MAST2: variants seen among roughly 807,000 people sequenced by gnomAD.
The protein encoded by MAST2 is microtubule-associated serine/threonine-protein kinase 2.
Under a neutral mutation model 147.4 loss-of-function variants are expected in MAST2, and 70 were observed. The observed-to-expected ratio is 0.47, with a 90% CI of 0.39 to 0.58. The LOEUF (loss-of-function observed/expected upper bound fraction) is 0.58. MAST2 is among the 20% of genes least tolerant of loss of function. MAST2 has a pLI of 0.00. For missense variants in MAST2, 2,080 were observed against 2,302.3 expected (o/e 0.90, Z 1.98); for synonymous variants, 869 against 896.8 (o/e 0.97, Z 0.55).
chr1:45,830,120 G>A (rs1440671743), intron 3 of MAST2, among the ~76,000 whole-genome samples: 1 of 150,082 alleles, frequency 6.7e-6, no homozygotes, highest in Non-Finnish European at 1.5e-5. Context: ...GCCTCCCAAA[G>A]TGCTGGGATT....
chr1:45,818,643 A>G (rs1047114341), intron 1 of MAST2, among the ~76,000 whole-genome samples: 7 of 152,126 alleles, frequency 4.6e-5, no homozygotes, highest in African/African-American at 9.7e-5. Flanking sequence ...ATTGCTCACA[A>G]TTGGTCGTTG....
chr1:46,026,786 G>A (rs966510569), intron 16 of MAST2, among the ~76,000 whole-genome samples: 1 of 152,182 alleles, frequency 6.6e-6, no homozygotes, highest in Non-Finnish European at 1.5e-5. Flanking sequence ...AGGGTGATAA[G>A]CCTCTGTGGA....
At chr1:45,895,150 T>C (rs566129114) in intron 4 of MAST2, among the ~76,000 whole-genome samples, 94 of 152,344 alleles carry the variant, frequency 6.2e-4, no homozygotes, top group East Asian at 7.7e-4. Flanking sequence ...GAATTTCATA[T>C]AAATGAAAAT....
intron 3 of MAST2, among the ~76,000 whole-genome samples, chr1:45,874,175 G>C (rs997232936): frequency 6.6e-6 from 1 of 152,090 alleles, no homozygotes; most frequent in Non-Finnish European, 1.5e-5. Context: ...CTGTATCTAA[G>C]CCTTTGAGGT....
intron 20 of MAST2, 60 bp from the exon 21 acceptor site, chr1:46,030,069 G>C: frequency 6.2e-7 from 1 of 1,605,806 alleles, no homozygotes. Context: ...AAATCTAATG[G>C]GGTCACAAGG....
At chr1:45,874,105 G>A (rs1049434874) in intron 3 of MAST2, among the ~76,000 whole-genome samples, 1 of 152,218 alleles carries the variant, frequency 6.6e-6, no homozygotes, top group African/African-American at 2.4e-5. Context: ...ACAGGTGTGA[G>A]CCACTGTGAC....
chr1:45,865,508 T>G (rs1646116656), intron 3 of MAST2, among the ~76,000 whole-genome samples: 1 of 152,152 alleles, frequency 6.6e-6, no homozygotes, highest in Admixed American at 6.5e-5. Flanking sequence ...AAGTCACATG[T>G]ATGGTAGTAT....
chr1:45,846,190 A>AT (rs1006408444), intron 3 of MAST2, among the ~76,000 whole-genome samples: 3 of 152,104 alleles, frequency 2.0e-5, no homozygotes, highest in Non-Finnish European at 2.9e-5. Flanking sequence ...GTGTATACAA[A>AT]TTTTTTATCA....
In MAST2 at chr1:45,803,680, T is replaced by G. The variant is rs12081398; in HGVS notation, c.-216T>G. On this transcript the variant is annotated 5_prime_UTR_variant, in exon 1 of 29. Transcript: ENST00000361297. ...GTGCTGGGTGGGAGAAGGCGAGGCG[T>G]CAGCGATGCTGTCTCTTCCGTGAGG... 1 allele frequency: 326,735 copies of G among 327,020 alleles called. 163,230 individuals are homozygous for G. Among genetic ancestry groups the G allele is most frequent in the Middle Eastern group, 1 (1,218 of 1,218 alleles). The allele number at this position is 327,020 out of a possible 1,614,324, so 20.3% of individuals were successfully genotyped here.
intron 3 of MAST2, among the ~76,000 whole-genome samples, chr1:45,881,564 C>T (rs946154001): frequency 2.0e-5 from 3 of 152,138 alleles, no homozygotes; most frequent in South Asian, 4.1e-4. Context: ...CAGCTGTTAT[C>T]GTAAAGGTTA....
chr1:45,872,042 A>G (rs1291156963), intron 3 of MAST2, among the ~76,000 whole-genome samples: 1 of 152,078 alleles, frequency 6.6e-6, no homozygotes, highest in East Asian at 1.9e-4. Flanking sequence ...TTGATTTTAA[A>G]TGTTAGTTGA....
chr1:45,981,890 G>T (rs1644422527), intron 5 of MAST2, among the ~76,000 whole-genome samples: 1 of 150,026 alleles, frequency 6.7e-6, no homozygotes, highest in Admixed American at 6.7e-5. Context: ...GCCCAGGCTG[G>T]AGTGCAGTGG....
At chr1:46,029,430 A>C in intron 18 of MAST2, 36 bp from the exon 19 acceptor site, 1 of 1,561,228 alleles carries the variant, frequency 6.4e-7, no homozygotes, top group Non-Finnish European at 8.8e-7. Flanking sequence ...CTCTACCCAC[A>C]ATTTCTCCTT....
intron 3 of MAST2, among the ~76,000 whole-genome samples, chr1:45,838,994 G>C (rs2147889803): frequency 6.6e-6 from 1 of 151,560 alleles, no homozygotes; most frequent in Non-Finnish European, 1.5e-5. Context: ...TTTCCTTTGA[G>C]ACAGGGTCTC....
chr1:45,945,952 C>T (rs375002124), intron 4 of MAST2, among the ~76,000 whole-genome samples: 1 of 152,182 alleles, frequency 6.6e-6, no homozygotes, highest in South Asian at 2.1e-4. Context: ...AAGTGTACTC[C>T]ATTCAGAGAA....
chr1:45,963,606 T>G (rs1467895029), intron 5 of MAST2, among the ~76,000 whole-genome samples: 2 of 152,202 alleles, frequency 1.3e-5, no homozygotes, highest in East Asian at 3.9e-4. Context: ...TTTTTGCACA[T>G]TGATTTTGTT....
At chr1:45,954,638 T>G (rs561590953) in intron 4 of MAST2, among the ~76,000 whole-genome samples, 14 of 152,302 alleles carry the variant, frequency 9.2e-5, no homozygotes, top group African/African-American at 3.4e-4. Context: ...CTTTATCTTC[T>G]TAGGATCCTG....
intron 7 of MAST2, among the ~76,000 whole-genome samples, chr1:46,005,749 T>G (rs1455004722): frequency 6.6e-6 from 1 of 152,210 alleles, no homozygotes; most frequent in African/African-American, 2.4e-5. Flanking sequence ...TGCTAACCCC[T>G]GGCACAATAC....
chr1:46,020,393 G>A (rs971305606), intron 11 of MAST2, among the ~76,000 whole-genome samples: 4 of 152,120 alleles, frequency 2.6e-5, no homozygotes, highest in African/African-American at 9.7e-5. Context: ...GGGTAAGCCT[G>A]GAAGGTAGGC....
Sources: allele counts gnomAD v4.1 joint callset (sites outside exome capture counted in the v4.1 genomes callset), GRCh38; gene constraint gnomAD v4.1.1; transcripts MANE v1.5; gene names NCBI Gene and HGNC (gene_info 2026-07-23, HGNC 2026-07-21).